Variants in FAM124A observed in about 807,000 individuals in gnomAD.
The protein encoded by FAM124A is protein FAM124A.
A neutral mutation model predicts 24.5 loss-of-function variants in FAM124A; 23 were observed. The ratio of observed to expected loss-of-function variants is 0.94; its 90% CI spans 0.68 to 1.33. The LOEUF (loss-of-function observed/expected upper bound fraction) is 1.33. FAM124A is among the 40% of genes most tolerant of loss of function. The pLI, the probability that FAM124A is intolerant of heterozygous loss-of-function variation, is 0.00. For synonymous variants in FAM124A, 287 were observed against 314.7 expected (o/e 0.91, Z 0.93); for missense variants, 623 against 722.8 (o/e 0.86, Z 1.58).
chr13:51,261,188 C>A (rs1954733030), intron 3 of FAM124A, among the ~76,000 whole-genome samples: 1 of 152,064 alleles, frequency 6.6e-6, no homozygotes, highest in Non-Finnish European at 1.5e-5. Flanking sequence ...ATTCCCTGGG[C>A]AGGGGTGCAG....
chr13:51,251,616 G>A lies in FAM124A; in HGVS notation c.249G>A (p.Glu83=), dbSNP rs772395859. Residue 83 remains glutamate, a synonymous_variant, in exon 3 of 4, where the codon GAG becomes GAA. Coordinates refer to ENST00000322475, the MANE Select transcript of FAM124A (RefSeq NM_001242312.2). This position sits in a 1 kb window ranked among gnomAD's most constrained non-coding sequence, Gnocchi z 5.3. ...HPDLPLFRVS[E]RRASRRRRKP... ...ACCTCCCGCTGTTCCGGGTGTCCGAGAGGCGGGCGTCCCGGCGGCGGCGGA... is the reference window on the plus strand; with the variant it reads ...ACCTCCCGCTGTTCCGGGTGTCCGAAAGGCGGGCGTCCCGGCGGCGGCGGA... 1.3e-6 allele frequency: 2 copies of A among 1,567,358 alleles called. No homozygotes were observed. The highest frequency in any genetic ancestry group is 2.4e-5 in the South Asian group (2 of 83,366).
At chr13:51,279,684 A>G (rs1954916240) in intron 3 of FAM124A, among the ~76,000 whole-genome samples, 1 of 152,192 alleles carries the variant, frequency 6.6e-6, no homozygotes, top group Non-Finnish European at 1.5e-5. Context: ...CTGCTGGACC[A>G]GGAGGATAGG....
At chr13:51,239,145 G>A (rs867754421) in intron 2 of FAM124A, among the ~76,000 whole-genome samples, 1 of 152,186 alleles carries the variant, frequency 6.6e-6, no homozygotes, top group East Asian at 1.9e-4. Flanking sequence ...GACAGGAAAC[G>A]AAAGTGAATA....
intron 2 of FAM124A, among the ~76,000 whole-genome samples, chr13:51,237,663 C>T (rs1201554503): frequency 6.6e-6 from 1 of 152,178 alleles, no homozygotes; most frequent in Non-Finnish European, 1.5e-5. Flanking sequence ...AAATGCTGTA[C>T]ATCTGTACAG....
At chr13:51,229,389 C>T (rs761490754) in intron 1 of FAM124A, among the ~76,000 whole-genome samples, 2 of 152,188 alleles carry the variant, frequency 1.3e-5, no homozygotes, top group Non-Finnish European at 2.9e-5. Flanking sequence ...TCTCTAGAAA[C>T]GTGGAGGGAC....
intron 1 of FAM124A, among the ~76,000 whole-genome samples, chr13:51,222,802 T>A (rs1268686476): frequency 6.6e-6 from 1 of 152,164 alleles, no homozygotes; most frequent in Non-Finnish European, 1.5e-5. Flanking sequence ...CCACCCATCC[T>A]GTGAGGCGAT....
intron 3 of FAM124A, among the ~76,000 whole-genome samples, chr13:51,274,649 G>T (rs1419647789): frequency 6.6e-6 from 1 of 151,772 alleles, no homozygotes; most frequent in Non-Finnish European, 1.5e-5. Flanking sequence ...TGATATATAG[G>T]CATATATCAT....
At chr13:51,259,231 C>T (rs1024039179) in intron 3 of FAM124A, among the ~76,000 whole-genome samples, 1 of 152,114 alleles carries the variant, frequency 6.6e-6, no homozygotes, top group African/African-American at 2.4e-5. Flanking sequence ...TCATTTCTGC[C>T]CTGGGCTCCC....
Position 51,254,920 on chromosome 13 carries a change from T to C in FAM124A, c.834+2719T>C, listed in dbSNP as rs77564933. 2.9e-3 allele frequency among the ~76,000 whole-genome samples: 444 copies of C among 152,256 alleles called. 8 individuals are homozygous for C. In the East Asian group the frequency reaches 0.051, roughly 17 times the overall value. On this transcript the variant is annotated intron_variant, in intron 3 of 3. Coordinates refer to ENST00000322475, the MANE Select transcript of FAM124A (RefSeq NM_001242312.2). Reference sequence around the variant, plus strand: ...ATACAGCTCAGTGAATTTTCACAAATTTAACATTTGTATAAGCAGCACACA... The same window carrying C: ...ATACAGCTCAGTGAATTTTCACAAACTTAACATTTGTATAAGCAGCACACA...
At chr13:51,249,409 T>C (rs1263192821) in intron 2 of FAM124A, among the ~76,000 whole-genome samples, 2 of 152,224 alleles carry the variant, frequency 1.3e-5, no homozygotes, top group African/African-American at 4.8e-5. Flanking sequence ...TGTGGAAAGC[T>C]GAAACTTGAC....
At chr13:51,224,818 T>G (rs966052347) in intron 1 of FAM124A, among the ~76,000 whole-genome samples, 6 of 152,264 alleles carry the variant, frequency 3.9e-5, no homozygotes, top group Non-Finnish European at 8.8e-5. Flanking sequence ...CTATATGCCC[T>G]GACTCCTGTT....
In FAM124A at chr13:51,251,697, G is replaced by A. The variant is rs764372110; in HGVS notation, c.330G>A (p.Glu110=). 19 of 1,588,226 alleles carry A rather than the reference G, an allele frequency of 1.2e-5. No individual in the cohort carries two copies. Among genetic ancestry groups the A allele is most frequent in the Admixed American group, 1.1e-4 (6 of 56,380 alleles). Reference sequence around the variant, plus strand: ...CTGTGGTGCTGTTCCTGCAGGAGGAGTACGGCGAAGAGCAGATCCTGCAGC... The same window carrying A: ...CTGTGGTGCTGTTCCTGCAGGAGGAATACGGCGAAGAGCAGATCCTGCAGC... ...ALAVVLFLQE[E]YGEEQILQLH... The change falls in exon 3 of 4, where the codon GAG becomes GAA. Residue 110 remains glutamate (E), a synonymous_variant. Transcript: ENST00000322475. The surrounding 1 kb of genome is among the most constrained non-coding windows in gnomAD (Gnocchi z 5.3).
chr13:51,259,405 C>T (rs1954709760), intron 3 of FAM124A, among the ~76,000 whole-genome samples: 1 of 152,036 alleles, frequency 6.6e-6, no homozygotes, highest in Admixed American at 6.6e-5. Flanking sequence ...CCTCCTGCCT[C>T]TCCCCTCATC....
chr13:51,259,994 G>T (rs79459557), intron 3 of FAM124A, among the ~76,000 whole-genome samples: 1 of 152,108 alleles, frequency 6.6e-6, no homozygotes, highest in Non-Finnish European at 1.5e-5. Flanking sequence ...TTCAGAGGCA[G>T]TTCCTGGGTG....
chr13:51,268,359 GT>G (rs1315091495), intron 3 of FAM124A, among the ~76,000 whole-genome samples: 1 of 152,192 alleles, frequency 6.6e-6, no homozygotes, highest in Non-Finnish European at 1.5e-5. Flanking sequence ...TCATTATTGA[GT>G]GAAGAAATAA....
intron 2 of FAM124A, among the ~76,000 whole-genome samples, chr13:51,242,521 A>G (rs1390409339): frequency 6.6e-6 from 1 of 152,200 alleles, no homozygotes; most frequent in African/African-American, 2.4e-5. Context: ...CTAATTACAT[A>G]TCAACCTTCT....
chr13:51,250,263 C>A (rs1340317667), intron 2 of FAM124A, among the ~76,000 whole-genome samples: 1 of 152,166 alleles, frequency 6.6e-6, no homozygotes, highest in Non-Finnish European at 1.5e-5. Context: ...ACACAATTGA[C>A]CACATGATCA....
intron 3 of FAM124A, among the ~76,000 whole-genome samples, chr13:51,264,508 C>T (rs1954766217): frequency 6.6e-6 from 1 of 152,112 alleles, no homozygotes; most frequent in Admixed American, 6.5e-5. Context: ...CCTGTAGTCC[C>T]AGTAACTTGG....
rs1298607660 is a variant in FAM124A, at chr13:51,281,237, T to C, written c.1622T>C (p.Met541Thr). Reference protein sequence around the residue: ...PGSAGPGDNDMEEFYI With the variant: ...PGSAGPGDNDTEEFYI ...TCGGCTGGCCCCGGGGATAACGACA[T>C]GGAGGAATTCTACATCTGAATGCCC... Residue 541 changes from methionine to threonine, a missense_variant, in exon 4 of 4, where the codon ATG becomes ACG. Met to Thr is a moderately conservative substitution (Grantham distance 81). Coordinates refer to ENST00000322475, the MANE Select transcript of FAM124A (RefSeq NM_001242312.2). The C allele has an allele frequency of 6.3e-7, 1 of 1,578,016 alleles. No homozygotes were observed. The highest frequency in any genetic ancestry group is 8.6e-7 in the Non-Finnish European group (1 of 1,164,936).
Sources: allele counts gnomAD v4.1 joint callset (sites outside exome capture counted in the v4.1 genomes callset), GRCh38; gene constraint gnomAD v4.1.1; non-coding constraint Gnocchi (gnomAD v3.1); transcripts MANE v1.5; gene names NCBI Gene and HGNC (gene_info 2026-07-23, HGNC 2026-07-21).